Variants in DCAF1 observed in about 807,000 individuals in gnomAD.
DCAF1 encodes the protein DDB1 and CUL4 associated factor 1, also known as DDB1- and CUL4-associated factor 1.
Under a neutral mutation model 128.0 loss-of-function variants are expected in DCAF1, and 15 were observed. The observed-to-expected ratio is 0.12, with a 90% confidence interval of 0.08 to 0.18. The LOEUF (loss-of-function observed/expected upper bound fraction) is 0.18, where lower values mean the gene tolerates loss of function less well. Ranked by LOEUF, DCAF1 falls within the 10% of genes least tolerant of loss-of-function variation. DCAF1 has a pLI of 1.00. For missense variants in DCAF1, 988 were observed against 1,649.5 expected, an observed-to-expected ratio of 0.60 and a Z score of 6.95; for synonymous variants, 610 against 603.0, an observed-to-expected ratio of 1.01 and a Z score of -0.17.
chr3:51,463,123 A>G lies in DCAF1; in HGVS notation c.366T>C (p.Phe122=). The G allele has an allele frequency of 6.3e-7, 1 of 1,587,704 alleles. No individual in the cohort carries two copies. Among genetic ancestry groups the G allele is most frequent in the Non-Finnish European group, 8.6e-7 (1 of 1,168,176 alleles). The stretch of plus-strand genomic sequence containing the variant: ...ACTTTTCACTAAGTACCTTTTCTTG[A>G]AAGACGACAGCAGTTTCCAGCCCTG... ...IMPGLETAVV[F]QEKEGIVENL... The change falls in exon 6 of 25, where the codon TTT becomes TTC. Residue 122 remains phenylalanine, a synonymous_variant. Transcript: ENST00000684031.
chr3:51,462,870 G>A, intron 6 of DCAF1, among the ~76,000 whole-genome samples: 1 of 151,828 alleles, frequency 6.6e-6, no homozygotes, highest in East Asian at 1.9e-4. Context: ...AAATGCTAAA[G>A]TAGGAGGATC....
chr3:51,415,005 T>G (rs1698751393), intron 18 of DCAF1, 148 bp from the exon 19 acceptor site: 1 of 1,314,370 alleles, frequency 7.6e-7, no homozygotes, highest in Non-Finnish European at 1.0e-6. Flanking sequence ...CCTCCCAAAG[T>G]GCTGGGATTA....
chr3:51,401,797 A>G (rs1208662489), intron 24 of DCAF1, among the ~76,000 whole-genome samples: 1 of 152,216 alleles, frequency 6.6e-6, no homozygotes, highest in Non-Finnish European at 1.5e-5. Context: ...AATTGAAAGG[A>G]GGTATAACTT....
the DCAF1 span, among the ~76,000 whole-genome samples, chr3:51,505,216 A>G: frequency 1.3e-5 from 2 of 151,828 alleles, no homozygotes; most frequent in Non-Finnish European, 2.9e-5. Context: ...GTGAGCCGAG[A>G]TCACACCACT....
intron 9 of DCAF1, 62 bp downstream of exon 9, chr3:51,440,908 A>C: frequency 7.0e-7 from 1 of 1,421,302 alleles, no homozygotes; most frequent in Middle Eastern, 1.8e-4. Context: ...TCCATCTTAA[A>C]TTTAAAAAAA....
intron 23 of DCAF1, among the ~76,000 whole-genome samples, chr3:51,405,225 C>T (rs1315396304): frequency 1.3e-5 from 2 of 152,194 alleles, no homozygotes; most frequent in Non-Finnish European, 2.9e-5. Flanking sequence ...AAAGGTTAAA[C>T]TGCTCAAATA....
intron 15 of DCAF1, 69 bp downstream of exon 15, chr3:51,419,665 A>G: frequency 1.3e-6 from 2 of 1,528,384 alleles, no homozygotes; most frequent in Admixed American, 4.3e-5. Context: ...CTATGCTGAT[A>G]CTGCCCAGTT....
chr3:51,458,488 A>T (rs1253082796), intron 6 of DCAF1, among the ~76,000 whole-genome samples: 11 of 152,180 alleles, frequency 7.2e-5, no homozygotes, highest in Non-Finnish European at 1.5e-4. Context: ...CCCCACTGTC[A>T]ACATCAGACA....
chr3:51,486,340 T>C (rs1553655471), intron 2 of DCAF1, among the ~76,000 whole-genome samples: 1 of 151,644 alleles, frequency 6.6e-6, no homozygotes, highest in Non-Finnish European at 1.5e-5. Flanking sequence ...TTACAGTATG[T>C]GTTGCCATGC....
chr3:51,438,073 T>C, intron 9 of DCAF1: 1 of 440,682 alleles, frequency 2.3e-6, no homozygotes, highest in Non-Finnish European at 4.4e-6. Flanking sequence ...TATTCATTCA[T>C]TCTTTTCTGA....
chr3:51,395,958 G>A, downstream of DCAF1: 1 of 413,496 alleles, frequency 2.4e-6, no homozygotes, highest in Non-Finnish European at 4.4e-6. Context: ...AGTCAGTTGG[G>A]TACAGCAGGA....
At chr3:51,452,410 C>T (rs552438259) in intron 6 of DCAF1, among the ~76,000 whole-genome samples, 1 of 152,020 alleles carries the variant, frequency 6.6e-6, no homozygotes, top group Non-Finnish European at 1.5e-5. Flanking sequence ...CTGAAGAGTA[C>T]AGATCATCAT....
chr3:51,458,284 C>T (rs1484934201), intron 6 of DCAF1, among the ~76,000 whole-genome samples: 1 of 152,106 alleles, frequency 6.6e-6, no homozygotes, highest in Non-Finnish European at 1.5e-5. Flanking sequence ...ATAAAACAGA[C>T]TTTAAACCAA....
intron 6 of DCAF1, among the ~76,000 whole-genome samples, chr3:51,457,981 A>G (rs1252288426): frequency 6.6e-6 from 1 of 152,206 alleles, no homozygotes; most frequent in Non-Finnish European, 1.5e-5. Flanking sequence ...AAAGACCATT[A>G]ACGCTAGGAA....
chr3:51,448,917 G>GT lies in DCAF1; in HGVS notation c.376-5015dup, dbSNP rs1354350315. Reference sequence around the variant, plus strand: ...TAGAACTTTTTCCATGTTCTTTTATGTTTTTTTTTTCCCAGAGTAAACCAT... The same window carrying GT: ...TAGAACTTTTTCCATGTTCTTTTATGTTTTTTTTTTTCCCAGAGTAAACCAT... On this transcript the variant is annotated intron_variant, in intron 6 of 24. Coordinates refer to ENST00000684031, the MANE Select transcript of DCAF1 (RefSeq NM_001387579.1). Among the ~76,000 whole-genome samples the GT allele has an allele frequency of 9.9e-4, 147 of 148,826 alleles. 1 individual carries two copies. Among genetic ancestry groups the GT allele is most frequent in the Non-Finnish European group, 5.1e-4 (34 of 67,090 alleles).
chr3:51,466,301 A>AC (rs1324414063), intron 5 of DCAF1, among the ~76,000 whole-genome samples: 8 of 152,160 alleles, frequency 5.3e-5, no homozygotes, highest in South Asian at 4.2e-4. Context: ...CAAAACATGG[A>AC]CCCCCAAAGC....
chr3:51,420,497 T>C lies in DCAF1; in HGVS notation c.2473A>G (p.Thr825Ala), dbSNP rs1314569584. ...TGCAGTCGTGCTAGGGAAACATCAG[T>C]GCCAATGAGAAGTGGTTTTCCTGAC... ...RVSGKPLLIG[T>A]DVSLARLQKA... Residue 825 changes from threonine (T) to alanine (A), a missense_variant, in exon 15 of 25, where the codon ACT becomes GCT. Coordinates refer to ENST00000684031, the MANE Select transcript of DCAF1 (RefSeq NM_001387579.1). The surrounding 1 kb of genome is among the most constrained non-coding windows in gnomAD (Gnocchi z 6.5). The C allele has an allele frequency of 6.2e-7, 1 of 1,613,848 alleles. No individual in the cohort carries two copies. The highest frequency in any genetic ancestry group is 8.5e-7 in the Non-Finnish European group (1 of 1,179,894).
At chr3:51,501,918 A>G (rs1708827258), upstream of DCAF1, among the ~76,000 whole-genome samples, 1 of 152,140 alleles carries the variant, frequency 6.6e-6, no homozygotes, top group Non-Finnish European at 1.5e-5. Context: ...TGCCACACAC[A>G]CAGGGAAGAT....
upstream of DCAF1, among the ~76,000 whole-genome samples, chr3:51,502,107 T>G (rs962786904): frequency 6.6e-6 from 1 of 152,116 alleles, no homozygotes; most frequent in Admixed American, 6.6e-5. Flanking sequence ...CCCCTCTGAC[T>G]ATGGTCTAGC....
Sources: gnomAD v4.1 joint callset for allele counts (sites outside exome capture counted in the v4.1 genomes callset) on GRCh38, gnomAD v4.1.1 for gene constraint, Gnocchi (gnomAD v3.1) non-coding constraint, MANE v1.5 for transcripts, NCBI Gene and HGNC (gene_info 2026-07-23, HGNC 2026-07-21) for gene names.